The following PAK5 variants were observed in gnomAD, a reference collection of about 807,000 sequenced individuals.
The protein encoded by PAK5 is p21 (RAC1) activated kinase 5.
In PAK5, 16 loss-of-function variants were observed where a neutral mutation model predicts 65.9. The observed-to-expected ratio is 0.24, with a 90% CI of 0.16 to 0.37. PAK5 has a LOEUF of 0.37. Among genes scored for constraint, PAK5 ranks in the 10% least tolerant of loss-of-function variants. The probability of loss-of-function intolerance (pLI) is 1.00; values close to 1 mark genes in which losing one functional copy is unlikely to be tolerated. For missense variants in PAK5, 785 were observed against 903.9 expected (o/e 0.87, Z 1.69); for synonymous variants, 371 against 354.9 (o/e 1.05, Z -0.51).
At chr20:9,762,371 GGT>G (rs769084570) in intron 1 of PAK5, among the ~76,000 whole-genome samples, 4 of 152,072 alleles carry the variant, frequency 2.6e-5, no homozygotes. Flanking sequence ...TATCTGATAA[GGT>G]GTTAATATCC....
At chr20:9,612,315 G>A (rs2046578030) in intron 3 of PAK5, among the ~76,000 whole-genome samples, 1 of 152,102 alleles carries the variant, frequency 6.6e-6, no homozygotes, top group Non-Finnish European at 1.5e-5. Flanking sequence ...AGTGTATTTG[G>A]CCGTTCTCAC....
intron 2 of PAK5, among the ~76,000 whole-genome samples, chr20:9,658,138 G>T (rs2047294418): frequency 6.6e-6 from 1 of 152,182 alleles, no homozygotes; most frequent in African/African-American, 2.4e-5. Flanking sequence ...AAAACTTACT[G>T]GGAATTATGA....
intron 1 of PAK5, among the ~76,000 whole-genome samples, chr20:9,742,164 C>T (rs1251656322): frequency 4.6e-5 from 7 of 152,036 alleles, no homozygotes; most frequent in Admixed American, 4.6e-4. Context: ...AATAAGGATC[C>T]TCCCCCCACC....
chr20:9,802,365 T>C (rs945040670), intron 1 of PAK5, among the ~76,000 whole-genome samples: 3 of 152,022 alleles, frequency 2.0e-5, no homozygotes, highest in African/African-American at 7.2e-5. Flanking sequence ...GACGGCAAGA[T>C]GATTGGAAGG....
intron 1 of PAK5, among the ~76,000 whole-genome samples, chr20:9,720,524 T>A (rs528406393): frequency 6.6e-6 from 1 of 152,290 alleles, no homozygotes; most frequent in South Asian, 2.1e-4. Flanking sequence ...TATTGCCTTT[T>A]AAAAATAATC....
At chr20:9,585,689 G>A (rs956375366) in intron 3 of PAK5, among the ~76,000 whole-genome samples, 2 of 152,078 alleles carry the variant, frequency 1.3e-5, no homozygotes, top group African/African-American at 4.8e-5. Context: ...ATGGTATTTA[G>A]TGATCCCCTT....
At chr20:9,717,715 G>A (rs1008130601) in intron 1 of PAK5, among the ~76,000 whole-genome samples, 3 of 152,190 alleles carry the variant, frequency 2.0e-5, no homozygotes, top group Non-Finnish European at 2.9e-5. Context: ...TGCCTCCCAG[G>A]TTCAAGTGAT....
At chr20:9,725,033 T>A (rs567553789) in intron 1 of PAK5, among the ~76,000 whole-genome samples, 1 of 152,002 alleles carries the variant, frequency 6.6e-6, no homozygotes, top group East Asian at 1.9e-4. Flanking sequence ...ACTAACTACA[T>A]ACCCACAAAA....
At position 9,539,387 on chromosome 20, in the gene PAK5, T is replaced by C; in HGVS notation, c.*75A>G. On this transcript the variant is annotated 3_prime_UTR_variant, in exon 10 of 10. Transcript: ENST00000353224. Reference sequence around the variant, plus strand: ...CTAGAATGCACAGGCCTTTTGCATGTTCTGTGTTTCCTTTTGTTCTCCTGA... The same window carrying C: ...CTAGAATGCACAGGCCTTTTGCATGCTCTGTGTTTCCTTTTGTTCTCCTGA... 2.1e-6 allele frequency: 3 copies of C among 1,439,822 alleles called. No homozygotes were observed. Among genetic ancestry groups the C allele is most frequent in the South Asian group, 2.4e-5 (2 of 83,132 alleles). 89.2% of individuals were successfully genotyped at this position (1,439,822 alleles called of 1,614,324 possible).
chr20:9,643,207 T>A (rs889048389), intron 3 of PAK5, among the ~76,000 whole-genome samples: 4 of 152,284 alleles, frequency 2.6e-5, no homozygotes, highest in African/African-American at 9.6e-5. Flanking sequence ...ACTTCAAGCT[T>A]TGTGTAGATT....
intron 3 of PAK5, among the ~76,000 whole-genome samples, chr20:9,617,638 C>T (rs1258014720): frequency 2.1e-5 from 3 of 146,062 alleles, no homozygotes; most frequent in African/African-American, 7.5e-5. Flanking sequence ...TCACTGCAAG[C>T]TCCACCTCTT....
intron 3 of PAK5, among the ~76,000 whole-genome samples, chr20:9,612,972 C>G (rs1263838960): frequency 6.6e-6 from 1 of 152,002 alleles, no homozygotes; most frequent in Non-Finnish European, 1.5e-5. Flanking sequence ...TTACCTAGAA[C>G]AGACATGATG....
At chr20:9,690,517 G>A (rs1223368481) in intron 2 of PAK5, among the ~76,000 whole-genome samples, 1 of 152,002 alleles carries the variant, frequency 6.6e-6, no homozygotes, top group Non-Finnish European at 1.5e-5. Context: ...AATGCAAGGT[G>A]AGTGAATGAG....
intron 1 of PAK5, among the ~76,000 whole-genome samples, chr20:9,744,098 GA>G (rs2048480477): frequency 6.6e-6 from 1 of 152,176 alleles, no homozygotes; most frequent in Non-Finnish European, 1.5e-5. Flanking sequence ...AAGAAGCAAG[GA>G]ACAGATGGTC....
intron 3 of PAK5, among the ~76,000 whole-genome samples, chr20:9,593,810 CTCTCTCTCTCTCTCTT>C (rs1180719458): frequency 5.9e-5 from 9 of 152,090 alleles, no homozygotes; most frequent in Admixed American, 5.9e-4. Context: ...CCAAGGATCT[CTCTCTCTCTCTCTCTT>C]TCTCTCTCTC....
intron 4 of PAK5, among the ~76,000 whole-genome samples, chr20:9,568,971 G>C (rs1217433149): frequency 1.3e-5 from 2 of 152,196 alleles, no homozygotes; most frequent in Non-Finnish European, 2.9e-5. Flanking sequence ...GGATCCTCCA[G>C]GTCCAGTTGA....
chr20:9,721,854 T>C (rs1010943646), intron 1 of PAK5, among the ~76,000 whole-genome samples: 5 of 152,070 alleles, frequency 3.3e-5, no homozygotes, highest in Admixed American at 1.3e-4. Context: ...AAACTATACA[T>C]TTAAAATGTC....
At chr20:9,686,930 G>A (rs1486450675) in intron 2 of PAK5, among the ~76,000 whole-genome samples, 1 of 152,206 alleles carries the variant, frequency 6.6e-6, no homozygotes, top group Non-Finnish European at 1.5e-5. Context: ...AATTAAGGGT[G>A]AGCTGGTGAG....
chr20:9,655,334 T>C (rs2047252338), intron 2 of PAK5, among the ~76,000 whole-genome samples: 1 of 152,170 alleles, frequency 6.6e-6, no homozygotes, highest in African/African-American at 2.4e-5. Flanking sequence ...TTCTATTTGT[T>C]TGTGTTATCC....
Sources: gnomAD v4.1 joint callset for allele counts (sites outside exome capture counted in the v4.1 genomes callset) on GRCh38, gnomAD v4.1.1 for gene constraint, MANE v1.5 for transcripts, NCBI Gene and HGNC (gene_info 2026-07-23, HGNC 2026-07-21) for gene names.